Variants in SWT1 observed in about 807,000 individuals in gnomAD.
SWT1 encodes SWT1 RNA endoribonuclease homolog, also known as transcriptional protein SWT1.
A neutral mutation model predicts 107.3 loss-of-function variants in SWT1; 33 were observed. The observed-to-expected ratio is 0.31, with a 90% CI of 0.23 to 0.41. SWT1 has a LOEUF of 0.41. Ranked by LOEUF, SWT1 falls within the 10% of genes least tolerant of loss-of-function variation. The pLI is 1.00. For synonymous variants in SWT1, 345 were observed against 348.3 expected, an observed-to-expected ratio of 0.99 and a Z score of 0.11; for missense variants, 898 against 1,028.9, an observed-to-expected ratio of 0.87 and a Z score of 1.74.
intron 13 of SWT1, among the ~76,000 whole-genome samples, chr1:185,210,218 T>C (rs1419611456): frequency 6.6e-6 from 1 of 152,216 alleles, no homozygotes; most frequent in African/African-American, 2.4e-5. Context: ...AGAAGCACTT[T>C]AGTTTAATTA....
chr1:185,184,633 T>A, intron 8 of SWT1, 110 bp from the exon 9 acceptor site: 1 of 656,300 alleles, frequency 1.5e-6, no homozygotes, highest in Non-Finnish European at 2.5e-6. Flanking sequence ...ATTGTGAATT[T>A]CCTAAAGGTA....
At chr1:185,226,994 C>T (rs1240886639) in intron 15 of SWT1, 16 of 874,480 alleles carry the variant, frequency 1.8e-5, no homozygotes, top group Non-Finnish European at 2.9e-5. Context: ...TCTCCTCCAT[C>T]ATGTCTGGAG....
At chr1:185,247,954 C>T (rs977572553) in intron 16 of SWT1, among the ~76,000 whole-genome samples, 3 of 151,970 alleles carry the variant, frequency 2.0e-5, no homozygotes, top group Non-Finnish European at 2.9e-5. Flanking sequence ...GCCTCTTCTT[C>T]CTTTTCCTAA....
intron 1 of SWT1, among the ~76,000 whole-genome samples, chr1:185,160,582 A>G (rs1265255560): frequency 6.6e-6 from 1 of 152,018 alleles, no homozygotes; most frequent in East Asian, 1.9e-4. Context: ...CATGCCTGTA[A>G]TCTCAGCTGC....
At chr1:185,190,481 C>A in intron 9 of SWT1, 68 bp from the exon 10 acceptor site, 3 of 892,856 alleles carry the variant, frequency 3.4e-6, no homozygotes, top group Non-Finnish European at 5.6e-6. Context: ...TAAATACAGC[C>A]TAGATTATTT....
At chr1:185,159,932 C>T (rs1653997247) in intron 1 of SWT1, among the ~76,000 whole-genome samples, 1 of 152,076 alleles carries the variant, frequency 6.6e-6, no homozygotes, top group Non-Finnish European at 1.5e-5. Flanking sequence ...TGATGTTGGC[C>T]ATGCTGGTCT....
At chr1:185,221,276 G>A (rs1659638810) in intron 14 of SWT1, among the ~76,000 whole-genome samples, 1 of 151,908 alleles carries the variant, frequency 6.6e-6, no homozygotes, top group South Asian at 2.1e-4. Context: ...ATGTTCTCAG[G>A]ACTCTCCTCT....
chr1:185,224,447 T>C (rs887546880), intron 15 of SWT1, among the ~76,000 whole-genome samples: 10 of 152,292 alleles, frequency 6.6e-5, no homozygotes, highest in African/African-American at 2.4e-4. Flanking sequence ...TTCTTTTTGC[T>C]CAGGGATTGC....
At chr1:185,222,573 A>G (rs1180516217) in intron 15 of SWT1, among the ~76,000 whole-genome samples, 1 of 151,676 alleles carries the variant, frequency 6.6e-6, no homozygotes, top group Non-Finnish European at 1.5e-5. Flanking sequence ...CCTGGCCAAC[A>G]TGGTGAAACC....
intron 15 of SWT1, 45 bp downstream of exon 15, chr1:185,222,081 A>G (rs781562225): frequency 7.8e-7 from 1 of 1,288,050 alleles, no homozygotes; most frequent in Admixed American, 2.7e-5. Flanking sequence ...TTTTAAATTG[A>G]CATTATAATT....
Position 185,273,606 on chromosome 1 carries a change from G to A in SWT1, c.2508+2217G>A, listed in dbSNP as rs184535229. The stretch of plus-strand genomic sequence containing the variant: ...TAATCCCAGCTACTCAGGAGGCTGA[G>A]GCAGGAGAATTGCTTGAACCCAGGA... On this transcript the variant is annotated intron_variant, in intron 17 of 18. Transcript: ENST00000367500. Among the ~76,000 whole-genome samples, 721 of 151,800 alleles carry A rather than the reference G, an allele frequency of 4.7e-3. 6 individuals are homozygous for A. Among genetic ancestry groups the A allele is most frequent in the African/African-American group, 0.016 (680 of 41,362 alleles).
intron 5 of SWT1, among the ~76,000 whole-genome samples, chr1:185,177,643 T>G (rs1655678654): frequency 6.6e-6 from 1 of 152,224 alleles, no homozygotes; most frequent in Non-Finnish European, 1.5e-5. Context: ...CCTCAGTAGA[T>G]AATTATTTTC....
At chr1:185,215,931 A>T (rs1222788917) in intron 14 of SWT1, among the ~76,000 whole-genome samples, 1 of 152,168 alleles carries the variant, frequency 6.6e-6, no homozygotes, top group Non-Finnish European at 1.5e-5. Context: ...AGAGATATTA[A>T]TGGAACTTTT....
intron 16 of SWT1, among the ~76,000 whole-genome samples, chr1:185,245,510 T>C (rs566111214): frequency 6.6e-6 from 1 of 152,224 alleles, no homozygotes; most frequent in South Asian, 2.1e-4. Context: ...AAAATAATAA[T>C]AAAAAGTATA....
chr1:185,161,458 A>T (rs905314722), intron 2 of SWT1, among the ~76,000 whole-genome samples: 8 of 151,802 alleles, frequency 5.3e-5, no homozygotes, highest in Non-Finnish European at 1.2e-4. Flanking sequence ...TAATCTTGGC[A>T]CTTTGGGAGG....
rs995941515 is a variant in SWT1, at chr1:185,277,280, G to GT, written c.2573+621dup. Among the ~76,000 whole-genome samples the GT allele has an allele frequency of 1.5e-3, 225 of 151,092 alleles. 1 individual carries two copies. The highest frequency in any genetic ancestry group is 4.8e-3 in the African/African-American group (198 of 41,270). On this transcript the variant is annotated intron_variant, in intron 18 of 18. Coordinates refer to ENST00000367500, the MANE Select transcript of SWT1 (RefSeq NM_017673.7). ...TATTTATTTATTTGTTTATTTATTT[G>GT]TTTTTTTTTATTTTTTCTTTGACAC... is the stretch of plus-strand genomic sequence containing the variant.
intron 9 of SWT1, among the ~76,000 whole-genome samples, chr1:185,187,891 C>T (rs1185703211): frequency 1.3e-5 from 2 of 151,868 alleles, no homozygotes; most frequent in Non-Finnish European, 2.9e-5. Flanking sequence ...TGGGGTTTCA[C>T]CATGTTGGTC....
chr1:185,261,767 A>G (rs1369284349), intron 16 of SWT1, among the ~76,000 whole-genome samples: 1 of 152,090 alleles, frequency 6.6e-6, no homozygotes, highest in African/African-American at 2.4e-5. Flanking sequence ...AGTCTAATAT[A>G]CAAAACTGTG....
intron 16 of SWT1, among the ~76,000 whole-genome samples, chr1:185,266,094 C>T (rs868517386): frequency 2.0e-4 from 30 of 151,962 alleles, no homozygotes; most frequent in Admixed American, 7.2e-4. Flanking sequence ...GATGGAGTCT[C>T]GCTCAGTTGC....
Sources: allele counts gnomAD v4.1 joint callset (sites outside exome capture counted in the v4.1 genomes callset), GRCh38; gene constraint gnomAD v4.1.1; transcripts MANE v1.5; gene names NCBI Gene and HGNC (gene_info 2026-07-23, HGNC 2026-07-21).